Variants in SOS2 observed in about 807,000 individuals in gnomAD.
SOS2 encodes SOS Ras/Rho guanine nucleotide exchange factor 2.
Under a neutral mutation model 148.2 loss-of-function variants are expected in SOS2, and 65 were observed. The ratio of observed to expected loss-of-function variants is 0.44; its 90% CI spans 0.36 to 0.54. The LOEUF (loss-of-function observed/expected upper bound fraction) is 0.54, where lower values mean the gene tolerates loss of function less well. SOS2 is among the 20% of genes least tolerant of loss of function. The pLI is 0.00. For missense variants in SOS2, 1,341 were observed against 1,590.2 expected, an observed-to-expected ratio of 0.84 and a Z score of 2.67; for synonymous variants, 539 against 537.1, an observed-to-expected ratio of 1.00 and a Z score of -0.05.
chr14:50,160,204 ACAG>A lies in SOS2; in HGVS notation c.1197-121_1197-119del, dbSNP rs60130456. On this transcript the variant is annotated intron_variant, in intron 9 of 22. Coordinates refer to ENST00000216373, the MANE Select transcript of SOS2 (RefSeq NM_006939.4). ...AATAACCAAACAGTAGCTTTTACGCACAGCATTTAGTTCTAACTTTGCCACTAA... is the reference window on the plus strand; with the variant it reads ...AATAACCAAACAGTAGCTTTTACGCACATTTAGTTCTAACTTTGCCACTAA... 0.27 allele frequency: 201,508 copies of A among 732,898 alleles called. 29,620 individuals are homozygous for A. The highest frequency in any genetic ancestry group is 0.42 in the Admixed American group (14,394 of 34,450). 45.4% of individuals were successfully genotyped at this position (732,898 alleles called of 1,614,324 possible). A position where few individuals can be genotyped will look rare whatever the true frequency, so the allele number is the denominator to read the frequency against.
At chr14:50,139,707 C>T (rs1337484173) in intron 17 of SOS2, among the ~76,000 whole-genome samples, 1 of 152,112 alleles carries the variant, frequency 6.6e-6, no homozygotes, top group African/African-American at 2.4e-5. Context: ...GTCCTATGTG[C>T]TAGACTTATT....
intron 5 of SOS2, 105 bp downstream of exon 5, chr14:50,188,392 A>G (rs976371138): frequency 5.3e-6 from 4 of 756,826 alleles, no homozygotes; most frequent in Non-Finnish European, 8.7e-6. Flanking sequence ...TGGGCAACAG[A>G]GCAAGACTCC....
At position 50,120,720 on chromosome 14, in the gene SOS2, C is replaced by CATCCTA. The variant is rs1191809159; in HGVS notation, c.3380-342_3380-337dup. On this transcript the variant is annotated intron_variant, in intron 21 of 22. Transcript: ENST00000216373. ...ACTGTAGTAACTTCCAAAGAAAGAC[C>CATCCTA]ATCCTAATCAGAGACCTTTTTTTTT... is the stretch of plus-strand genomic sequence containing the variant. 3.4e-5 allele frequency among the ~76,000 whole-genome samples: 5 copies of CATCCTA among 147,572 alleles called. No homozygotes were observed. The East Asian group carries it at 1.0e-3, about 30-fold the overall frequency.
chr14:50,150,043 T>C lies in SOS2; in HGVS notation c.2349A>G (p.Ala783=). 1 of 1,613,682 alleles carries C rather than the reference T, an allele frequency of 6.2e-7. No homozygotes were observed. Among genetic ancestry groups the C allele is most frequent in the Non-Finnish European group, 8.5e-7 (1 of 1,179,574 alleles). ...CAGACTCCAAAAGTGTCAGCTGACG[T>C]GCAATTTCTATTGGATGAAGTGTCA... ...DLMTLHPIEI[A]RQLTLLESDL... is the part of the protein sequence containing the mutation. The change falls in exon 14 of 23, where the codon GCA becomes GCG. Residue 783 remains alanine (A), a synonymous_variant. Transcript: ENST00000216373.
chr14:50,204,714 C>G (rs1258790937), intron 1 of SOS2, among the ~76,000 whole-genome samples: 1 of 152,094 alleles, frequency 6.6e-6, no homozygotes, highest in Non-Finnish European at 1.5e-5. Context: ...TGTGGATACC[C>G]TGAAGTCAAT....
intron 1 of SOS2, among the ~76,000 whole-genome samples, chr14:50,220,332 G>A (rs1887164301): frequency 7.3e-6 from 1 of 137,824 alleles, no homozygotes; most frequent in Non-Finnish European, 1.5e-5. Context: ...CGTGAACCCG[G>A]GAGGCAGAGC....
intron 1 of SOS2, among the ~76,000 whole-genome samples, chr14:50,212,202 G>A (rs953755376): frequency 2.6e-5 from 4 of 152,256 alleles, no homozygotes; most frequent in African/African-American, 7.2e-5. Context: ...CAGGCCAGGC[G>A]CGGTGGCTCG....
intron 14 of SOS2, 133 bp downstream of exon 14, chr14:50,149,875 G>T: frequency 1.5e-6 from 1 of 669,830 alleles, no homozygotes; most frequent in Non-Finnish European, 2.6e-6. Flanking sequence ...ACTGTGCTAT[G>T]ACCTTTCCTC....
At position 50,120,808 on chromosome 14, in the gene SOS2, C is replaced by T. The variant is rs551218476; in HGVS notation, c.3380-424G>A. On this transcript the variant is annotated intron_variant, in intron 21 of 22. Transcript: ENST00000216373. Reference sequence around the variant, plus strand: ...AGGCTGGAGTGCAATGGCACGATCTCGGCTCACTGCAACCTCCGCCTCCCG... The same window carrying T: ...AGGCTGGAGTGCAATGGCACGATCTTGGCTCACTGCAACCTCCGCCTCCCG... 3.9e-3 allele frequency among the ~76,000 whole-genome samples: 525 copies of T among 136,276 alleles called. 3 individuals carry two copies. Among genetic ancestry groups the T allele is most frequent in the African/African-American group, 0.014 (504 of 36,150 alleles). The allele number at this position is 136,276 out of a possible 152,430, so 89.4% of individuals were successfully genotyped here.
At chr14:50,207,573 G>C (rs537109741) in intron 1 of SOS2, among the ~76,000 whole-genome samples, 1 of 150,232 alleles carries the variant, frequency 6.7e-6, no homozygotes, top group South Asian at 2.1e-4. Context: ...AAAAGCCTAA[G>C]TAAAGTGTCA....
chr14:50,186,007 C>T (rs1948084426), intron 5 of SOS2, among the ~76,000 whole-genome samples: 1 of 152,084 alleles, frequency 6.6e-6, no homozygotes, highest in South Asian at 2.1e-4. Flanking sequence ...TAGATGATTT[C>T]TGTAAAATGC....
At chr14:50,171,338 T>G (rs965921711) in intron 8 of SOS2, among the ~76,000 whole-genome samples, 3 of 151,954 alleles carry the variant, frequency 2.0e-5, no homozygotes, top group Non-Finnish European at 4.4e-5. Flanking sequence ...AAAGACATAT[T>G]TGTACACTCA....
At chr14:50,212,987 A>C (rs117813672) in intron 1 of SOS2, among the ~76,000 whole-genome samples, 3,184 of 152,334 alleles carry the variant, frequency 0.021, 73 homozygotes, top group Non-Finnish European at 0.026. Flanking sequence ...CCAAAACTTT[A>C]TCTCTCACGT....
chr14:50,143,437 A>G (rs1425995475), intron 16 of SOS2, among the ~76,000 whole-genome samples: 1 of 152,002 alleles, frequency 6.6e-6, no homozygotes, highest in African/African-American at 2.4e-5. Flanking sequence ...ATTCAACCTC[A>G]CTAGTTATTA....
intron 1 of SOS2, among the ~76,000 whole-genome samples, chr14:50,229,367 T>C (rs1887470441): frequency 6.6e-6 from 1 of 152,208 alleles, no homozygotes; most frequent in Non-Finnish European, 1.5e-5. Context: ...AAGAACATAC[T>C]AGAACTGTGG....
At chr14:50,209,059 T>C (rs1338256859) in intron 1 of SOS2, among the ~76,000 whole-genome samples, 2 of 152,192 alleles carry the variant, frequency 1.3e-5, no homozygotes, top group African/African-American at 4.8e-5. Flanking sequence ...GAAAGAATTC[T>C]TTCTCTCTGC....
At chr14:50,154,816 A>T (rs1477971785) in intron 12 of SOS2, among the ~76,000 whole-genome samples, 2 of 152,210 alleles carry the variant, frequency 1.3e-5, no homozygotes, top group Non-Finnish European at 2.9e-5. Flanking sequence ...AAGGAACATA[A>T]GGGAACTTTC....
chr14:50,166,326 G>A (rs1174245214), intron 8 of SOS2, among the ~76,000 whole-genome samples: 1 of 152,004 alleles, frequency 6.6e-6, no homozygotes, highest in Non-Finnish European at 1.5e-5. Context: ...GGGTTCAAGC[G>A]ATCCTCCTGC....
chr14:50,134,224 G>C lies in SOS2; in HGVS notation c.2974C>G (p.Leu992Val). The C allele has an allele frequency of 6.5e-7, 1 of 1,539,796 alleles. No individual in the cohort carries two copies. The highest frequency in any genetic ancestry group is 8.9e-7 in the Non-Finnish European group (1 of 1,117,924). Residue 992 changes from leucine to valine, a missense_variant, in exon 19 of 23, where the codon CTT (leucine) becomes GTT (valine). This residue lies in a region of SOS2 where 408 missense variants were observed against 506.6 expected (regional missense o/e 0.81). Coordinates refer to ENST00000216373, the MANE Select transcript of SOS2 (RefSeq NM_006939.4). ...EPDMRRFFEN[L>V]NPMGSASEKE... ...TCAGATGCACTTCCCATGGGGTTAA[G>C]GTTTTCAAAGAATCTCTGGAATTAA...
Sources: allele counts gnomAD v4.1 joint callset (sites outside exome capture counted in the v4.1 genomes callset), GRCh38; gene constraint gnomAD v4.1.1; regional missense constraint gnomAD v4.1.1; transcripts MANE v1.5; gene names NCBI Gene and HGNC (gene_info 2026-07-23, HGNC 2026-07-21).